The following KMT2C variants were observed in gnomAD, a reference collection of about 807,000 sequenced individuals.
KMT2C encodes lysine methyltransferase 2C.
A neutral mutation model predicts 507.9 loss-of-function variants in KMT2C; 88 were observed. That is an observed-to-expected ratio of 0.17 (90% CI 0.15 to 0.21). The LOEUF is 0.21. Among genes scored for constraint, KMT2C ranks in the 10% least tolerant of loss-of-function variants. The pLI is 1.00. For missense variants in KMT2C, 4,954 were observed against 5,957.8 expected, an observed-to-expected ratio of 0.83 and a Z score of 5.55; for synonymous variants, 2,049 against 2,080.8, an observed-to-expected ratio of 0.98 and a Z score of 0.42.
chr7:152,252,108 C>A lies in KMT2C; in HGVS notation c.1470-18G>T. 1 of 1,544,466 alleles carries A rather than the reference C, an allele frequency of 6.5e-7. No homozygotes were observed. Reference sequence around the variant, plus strand: ...GAACCCACCTGCAGTGATAAGTATACTTAAATAAAAATTTCTAACATCGAG... The same window carrying A: ...GAACCCACCTGCAGTGATAAGTATAATTAAATAAAAATTTCTAACATCGAG... On this transcript the variant is annotated intron_variant, in intron 10 of 58. Coordinates refer to ENST00000262189, the MANE Select transcript of KMT2C (RefSeq NM_170606.3).
At chr7:152,410,879 C>T (rs2097675231) in intron 1 of KMT2C, among the ~76,000 whole-genome samples, 1 of 151,614 alleles carries the variant, frequency 6.6e-6, no homozygotes, top group Admixed American at 6.6e-5. Flanking sequence ...TGGCACATCC[C>T]CACGGCCCCA....
intron 27 of KMT2C, among the ~76,000 whole-genome samples, chr7:152,197,834 C>T (rs2094010350): frequency 6.6e-6 from 1 of 151,594 alleles, no homozygotes. Context: ...AACAATTAAT[C>T]TAGGTTTTGA....
chr7:152,256,183 AC>A (rs2095658765), intron 9 of KMT2C, among the ~76,000 whole-genome samples: 1 of 152,172 alleles, frequency 6.6e-6, no homozygotes, highest in South Asian at 2.1e-4. Flanking sequence ...AATAAAATAA[AC>A]ATAAAAACTG....
chr7:152,394,445 GC>G (rs2097524698), intron 1 of KMT2C, among the ~76,000 whole-genome samples: 1 of 151,904 alleles, frequency 6.6e-6, no homozygotes, highest in African/African-American at 2.4e-5. Flanking sequence ...TGCCTCTGGG[GC>G]TTTTGCACTC....
At position 152,348,154 on chromosome 7, in the gene KMT2C, C is replaced by A. The variant is rs2097077523; in HGVS notation, c.250+10433G>T. Among the ~76,000 whole-genome samples, 3 of 152,196 alleles carry A rather than the reference C, an allele frequency of 2.0e-5. No homozygotes were observed. The South Asian group carries it at 6.2e-4, about 31-fold the overall frequency. ...TCAAGCTTACACAAGAAGAAATAAT[C>A]TGAATACGTCTATACCTATTAAAAC... On this transcript the variant is annotated intron_variant, in intron 2 of 58. Transcript: ENST00000262189.
intron 1 of KMT2C, among the ~76,000 whole-genome samples, chr7:152,420,272 C>A (rs1220227167): frequency 6.6e-6 from 1 of 152,190 alleles, no homozygotes; most frequent in African/African-American, 2.4e-5. Flanking sequence ...TAATCTAACA[C>A]CCACACCGAT....
chr7:152,227,890 G>A (rs962082488), intron 18 of KMT2C, among the ~76,000 whole-genome samples: 2 of 152,166 alleles, frequency 1.3e-5, no homozygotes, highest in African/African-American at 2.4e-5. Flanking sequence ...AGAGTACAAA[G>A]ACACTGGTGA....
chr7:152,252,077 C>T lies in KMT2C; in HGVS notation c.1483G>A (p.Glu495Lys), dbSNP rs747351558. 1 of 1,608,528 alleles carries T rather than the reference C, an allele frequency of 6.2e-7. No homozygotes were observed. The change falls in exon 11 of 59, where the codon GAG becomes AAG. Residue 495 changes from glutamate (E) to lysine (K), a missense_variant. Around this residue, in one of 29 missense-constraint regions of KMT2C, gnomAD observed 376 missense variants for 352.4 expected, o/e 1.07. Transcript: ENST00000262189. ...CNMCKRWVHL[E>K]CDKPTDHELD... ...TCATGATCTGTTGGTTTGTCACACT[C>T]TAGGTGAACCCACCTGCAGTGATAA...
intron 6 of KMT2C, among the ~76,000 whole-genome samples, chr7:152,283,879 A>AT (rs2096257539): frequency 6.6e-6 from 1 of 152,156 alleles, no homozygotes; most frequent in Non-Finnish European, 1.5e-5. Flanking sequence ...TAACTGCTGA[A>AT]TTATGCATCA....
intron 49 of KMT2C, 107 bp downstream of exon 49, chr7:152,152,598 C>A (rs976397069): frequency 1.5e-5 from 21 of 1,357,906 alleles, no homozygotes; most frequent in Non-Finnish European, 2.2e-5. Flanking sequence ...GACTATACGC[C>A]AGCATGTTAC....
intron 2 of KMT2C, among the ~76,000 whole-genome samples, chr7:152,356,274 T>A (rs2097150415): frequency 6.6e-6 from 1 of 152,084 alleles, no homozygotes. Flanking sequence ...GGTGAAATAA[T>A]CATCTTCAAT....
At chr7:152,288,730 A>G (rs1448219673) in intron 6 of KMT2C, among the ~76,000 whole-genome samples, 1 of 152,130 alleles carries the variant, frequency 6.6e-6, no homozygotes, top group Non-Finnish European at 1.5e-5. Context: ...AATCAATGCT[A>G]ATATATATCA....
rs1464139574 is a variant in KMT2C, at chr7:152,181,761, A to G, written c.6099T>C (p.Pro2033=). ...GTCCAGGACCACTATCAAGAGGTGCAGGTGTCAACAAGGGTCGTGCATATG... is the reference window on the plus strand; with the variant it reads ...GTCCAGGACCACTATCAAGAGGTGCGGGTGTCAACAAGGGTCGTGCATATG... ...PDSYARPLLT[P]APLDSGPGPF... The change falls in exon 36 of 59, where the codon CCT becomes CCC. Residue 2033 remains proline (P), a synonymous_variant. Coordinates refer to ENST00000262189, the MANE Select transcript of KMT2C (RefSeq NM_170606.3). The G allele has an allele frequency of 2.0e-5, 33 of 1,614,048 alleles. No individual in the cohort carries two copies. The highest frequency in any genetic ancestry group is 2.8e-5 in the Non-Finnish European group (33 of 1,180,038).
At chr7:152,307,199 A>AAGGG (rs776718027) in intron 6 of KMT2C, among the ~76,000 whole-genome samples, 80 of 20,702 alleles carry the variant, frequency 3.9e-3, no homozygotes, top group Non-Finnish European at 5.5e-3. Context: ...AAGAGGGAGG[A>AAGGG]AGGAAGGAAG....
chr7:152,210,552 T>A (rs3058648), intron 23 of KMT2C, among the ~76,000 whole-genome samples: 27,608 of 151,100 alleles, frequency 0.18, 2,685 homozygotes, highest in African/African-American at 0.25. Context: ...TTTTTTTTTT[T>A]AAAAAAGCTC....
intron 1 of KMT2C, among the ~76,000 whole-genome samples, chr7:152,365,485 G>T (rs1004762762): frequency 6.6e-6 from 1 of 152,180 alleles, no homozygotes; most frequent in Admixed American, 6.5e-5. Context: ...CAGCCTGGGC[G>T]GCAGAGTGAG....
intron 6 of KMT2C, among the ~76,000 whole-genome samples, chr7:152,297,755 T>C (rs981917631): frequency 3.3e-5 from 5 of 151,912 alleles, no homozygotes; most frequent in East Asian, 1.9e-4. Context: ...ATAAAGAAAA[T>C]AGCCAGAACC....
chr7:152,259,468 A>G (rs1588666232), intron 9 of KMT2C, among the ~76,000 whole-genome samples: 1 of 148,232 alleles, frequency 6.7e-6, no homozygotes, highest in Non-Finnish European at 1.5e-5. Flanking sequence ...ACACACACAC[A>G]CACACACACA....
At chr7:152,259,967 A>C (rs1455660871) in intron 9 of KMT2C, among the ~76,000 whole-genome samples, 1 of 145,302 alleles carries the variant, frequency 6.9e-6, no homozygotes, top group African/African-American at 2.9e-5. Flanking sequence ...AAACCTTTCA[A>C]TCCATGAAAA....
Sources: allele counts gnomAD v4.1 joint callset (sites outside exome capture counted in the v4.1 genomes callset), GRCh38; gene constraint gnomAD v4.1.1; regional missense constraint gnomAD v4.1.1; transcripts MANE v1.5; gene names NCBI Gene and HGNC (gene_info 2026-07-23, HGNC 2026-07-21).